The following PCAT7 variants were observed in gnomAD, a reference collection of about 807,000 sequenced individuals.
PCAT7 encodes prostate cancer associated transcript 7 (non-protein coding).
intron 2 of PCAT7, among the ~76,000 whole-genome samples, chr9:94,564,112 T>A (rs1564180045): frequency 6.6e-6 from 1 of 152,174 alleles, no homozygotes; most frequent in Non-Finnish European, 1.5e-5. Flanking sequence ...AGACCTCGAA[T>A]CAACACTAGA....
intron 2 of PCAT7, chr9:94,568,753 CTAACA>C (rs1827231062): frequency 6.6e-6 from 1 of 152,186 alleles, no homozygotes; most frequent in African/African-American, 2.4e-5. Context: ...CCTTTCCTGC[CTAACA>C]TGAGTGACAA....
chr9:94,566,935 CTGAG>C (rs1827198227), intron 2 of PCAT7, among the ~76,000 whole-genome samples: 1 of 144,900 alleles, frequency 6.9e-6, no homozygotes, highest in South Asian at 2.3e-4. Flanking sequence ...GCAAATGCAA[CTGAG>C]TGAGTCTATA....
intron 2 of PCAT7, among the ~76,000 whole-genome samples, chr9:94,560,695 T>A (rs1260628682): frequency 4.7e-5 from 7 of 148,116 alleles, no homozygotes; most frequent in Non-Finnish European, 1.0e-4. Context: ...ATTTTTCTAT[T>A]ATATATTTAT....
chr9:94,554,869 C>G (rs1304856333), upstream of PCAT7, among the ~76,000 whole-genome samples: 2 of 152,162 alleles, frequency 1.3e-5, no homozygotes, highest in Non-Finnish European at 2.9e-5. Context: ...CTCCCCACAC[C>G]CACACATAAG....
chr9:94,556,789 T>A (rs1229699507), intron 1 of PCAT7, among the ~76,000 whole-genome samples: 1 of 152,232 alleles, frequency 6.6e-6, no homozygotes, highest in Non-Finnish European at 1.5e-5. Context: ...TTTTATCCTA[T>A]GTTTTCTTCT....
chr9:94,558,583 G>A (rs2772013), intron 1 of PCAT7: 82,443 of 284,518 alleles, frequency 0.29, 13,846 homozygotes, highest in East Asian at 0.54. Flanking sequence ...ATGAGCCACC[G>A]CACCCAGCTG....
intron 1 of PCAT7, chr9:94,555,351 TAA>T (rs1826992561): frequency 6.6e-6 from 1 of 150,878 alleles, no homozygotes; most frequent in Non-Finnish European, 1.5e-5. Context: ...TAGAGGTGGG[TAA>T]AGAGTGTGGT....
At chr9:94,571,918 TACTC>T (rs1827274239) in intron 2 of PCAT7, among the ~76,000 whole-genome samples, 2 of 152,112 alleles carry the variant, frequency 1.3e-5, no homozygotes, top group South Asian at 2.1e-4. Flanking sequence ...CAAGCCACGA[TACTC>T]ACAACTCAGA....
At chr9:94,571,666 G>A in intron 2 of PCAT7, 1 of 1,457,558 alleles carries the variant, frequency 6.9e-7, no homozygotes, top group Non-Finnish European at 9.3e-7. Context: ...CTTTGCCAGG[G>A]GCCTGGGCTT....
At chr9:94,559,261 C>T in intron 2 of PCAT7, 4 of 744,996 alleles carry the variant, frequency 5.4e-6, no homozygotes, top group South Asian at 3.8e-5. Flanking sequence ...CACCATGCAC[C>T]TTGCAAGAGT....
At chr9:94,558,213 G>A (rs1041132422) in intron 1 of PCAT7, among the ~76,000 whole-genome samples, 2 of 152,166 alleles carry the variant, frequency 1.3e-5, no homozygotes, top group African/African-American at 4.8e-5. Flanking sequence ...AAGATATTAA[G>A]TTGGAAATTT....
intron 2 of PCAT7, chr9:94,563,244 G>C (rs1481208735): frequency 7.4e-7 from 1 of 1,347,578 alleles, no homozygotes; most frequent in Non-Finnish European, 1.0e-6. Flanking sequence ...ACACAGACAT[G>C]CCATGAAGCA....
chr9:94,570,310 GTAAT>G (rs1827253830), intron 2 of PCAT7: 2 of 152,356 alleles, frequency 1.3e-5, no homozygotes, highest in Admixed American at 6.5e-5. Context: ...GTGTGGTAGA[GTAAT>G]TAAAGCACAG....
At chr9:94,569,202 G>A (rs986198543) in intron 2 of PCAT7, 1 of 152,248 alleles carries the variant, frequency 6.6e-6, no homozygotes, top group African/African-American at 2.4e-5. Context: ...GCTTGAAAAT[G>A]AGATACGCCT....
intron 2 of PCAT7, among the ~76,000 whole-genome samples, chr9:94,562,635 C>G (rs1019018431): frequency 1.3e-5 from 2 of 152,136 alleles, no homozygotes; most frequent in Non-Finnish European, 2.9e-5. Context: ...TCAGAGAAAA[C>G]AGAGGCCTTT....
chr9:94,562,309 CAAAAAAAA>C (rs397893359), intron 2 of PCAT7, among the ~76,000 whole-genome samples: 2 of 72,106 alleles, frequency 2.8e-5, no homozygotes, highest in East Asian at 4.4e-4. Context: ...GACTCCATCT[CAAAAAAAA>C]AAAAAAAAAA....
At chr9:94,571,463 G>A (rs529636593) in intron 2 of PCAT7, 53 of 1,609,768 alleles carry the variant, frequency 3.3e-5, no homozygotes, top group South Asian at 1.9e-4. Context: ...TGTACCTACC[G>A]GGTCAAGCAT....
At position 94,562,493 on chromosome 9, in the gene PCAT7, C is replaced by T. The variant is rs557025667; in HGVS notation, n.441+3341C>T. On this transcript the variant is annotated intron_variant and non_coding_transcript_variant, in intron 2 of 8. Coordinates refer to ENST00000647389, the Ensembl canonical transcript of PCAT7. ...TGAAGAGAAACACCTGATACACCAA[C>T]CTATTAAAATCTCTCTGGCTTCATG... Among the ~76,000 whole-genome samples, 8 of 152,148 alleles carry T rather than the reference C, an allele frequency of 5.3e-5. No homozygotes were observed. The East Asian group carries it at 1.2e-3, about 22-fold the overall frequency.
At chr9:94,565,555 C>T (rs1417122206) in intron 2 of PCAT7, among the ~76,000 whole-genome samples, 1 of 152,062 alleles carries the variant, frequency 6.6e-6, no homozygotes, top group Non-Finnish European at 1.5e-5. Context: ...CAGAAAGAAT[C>T]TTTCAGCAGA....
Sources: gnomAD v4.1 joint callset for allele counts (sites outside exome capture counted in the v4.1 genomes callset) on GRCh38, gnomAD v4.1.1 for gene constraint, MANE v1.5 for transcripts, NCBI Gene and HGNC (gene_info 2026-07-23, HGNC 2026-07-21) for gene names.